The following UGCG variants were observed in gnomAD, a reference collection of about 807,000 sequenced individuals.
UGCG encodes ceramide glucosyltransferase.
Under a neutral mutation model 49.5 loss-of-function variants are expected in UGCG, and 10 were observed. The ratio of observed to expected loss-of-function variants is 0.20; its 90% CI spans 0.12 to 0.34. UGCG has a LOEUF of 0.34. UGCG is among the 10% of genes least tolerant of loss of function. The pLI, the probability that UGCG is intolerant of heterozygous loss-of-function variation, is 1.00. For missense variants in UGCG, 312 were observed against 483.7 expected (o/e 0.65, Z 3.33); for synonymous variants, 182 against 158.2 (o/e 1.15, Z -1.13).
chr9:111,915,856 A>AT, intron 2 of UGCG: 1 of 971,080 alleles, frequency 1.0e-6, no homozygotes, highest in South Asian at 4.8e-5. Context: ...CATGAGTATC[A>AT]TTCAGTTGTA....
At chr9:111,907,829 A>G (rs947060503) in intron 1 of UGCG, among the ~76,000 whole-genome samples, 1 of 152,004 alleles carries the variant, frequency 6.6e-6, no homozygotes, top group Non-Finnish European at 1.5e-5. Context: ...GGGTTTCACC[A>G]TGTTGGCCAG....
chr9:111,902,003 C>T (rs1279217100), intron 1 of UGCG, among the ~76,000 whole-genome samples: 1 of 152,238 alleles, frequency 6.6e-6, no homozygotes, highest in Non-Finnish European at 1.5e-5. Context: ...GAGACAAGCA[C>T]AGCTCTGTAG....
intron 5 of UGCG, among the ~76,000 whole-genome samples, chr9:111,927,662 A>G (rs900312817): frequency 6.6e-5 from 10 of 152,150 alleles, no homozygotes; most frequent in Admixed American, 3.3e-4. Flanking sequence ...CGTGTTAGCC[A>G]GGATGGTCTC....
rs1313251913 is a variant in UGCG at position 111,935,147 on chromosome 9, C to T, written c.*2150C>T. 6.6e-6 allele frequency: 1 copy of T among 152,106 alleles called. No homozygotes were observed. The highest frequency in any genetic ancestry group is 2.4e-5 in the African/African-American group (1 of 41,420). 9.4% of individuals were successfully genotyped at this position (152,106 alleles called of 1,614,324 possible). On this transcript the variant is annotated 3_prime_UTR_variant, in exon 9 of 9. Coordinates refer to ENST00000374279, the MANE Select transcript of UGCG (RefSeq NM_003358.3). The stretch of plus-strand genomic sequence containing the variant: ...AGTGGAGTATTTCCTTAATGTAAAA[C>T]TTCACTTAACAGAGAGATTCTTTGT...
At chr9:111,900,234 G>A (rs1181444188) in intron 1 of UGCG, among the ~76,000 whole-genome samples, 1 of 151,874 alleles carries the variant, frequency 6.6e-6, no homozygotes, top group Non-Finnish European at 1.5e-5. Context: ...TAGCCCTTGG[G>A]AGCCACGTTG....
At chr9:111,903,379 A>T (rs1179656591) in intron 1 of UGCG, among the ~76,000 whole-genome samples, 5 of 152,154 alleles carry the variant, frequency 3.3e-5, no homozygotes, top group Admixed American at 6.5e-5. Context: ...AGCCTGACCA[A>T]CGTGGCAAAA....
At chr9:111,915,976 G>A (rs895513727) in intron 2 of UGCG, 2 of 184,546 alleles carry the variant, frequency 1.1e-5, no homozygotes, top group African/African-American at 2.4e-5. Context: ...GTTTGTGTGT[G>A]TTTATATGCT....
Position 111,933,567 on chromosome 9 carries a change from G to A in UGCG, c.*570G>A, listed in dbSNP as rs1440881572. ...AATATAAATTGTAATAAGATAGCTA[G>A]GCCTTGCAGAAACAAACAGAAAAAC... is the stretch of plus-strand genomic sequence containing the variant. On this transcript the variant is annotated 3_prime_UTR_variant, in exon 9 of 9. Coordinates refer to ENST00000374279, the MANE Select transcript of UGCG (RefSeq NM_003358.3). 1 of 152,100 alleles carries A rather than the reference G, an allele frequency of 6.6e-6. No individual in the cohort carries two copies. Among genetic ancestry groups the A allele is most frequent in the Non-Finnish European group, 1.5e-5 (1 of 68,040 alleles). The allele number at this position is 152,100 out of a possible 1,614,324, so 9.4% of individuals were successfully genotyped here. A position where few individuals can be genotyped will look rare whatever the true frequency, so the allele number is the denominator to read the frequency against.
intron 8 of UGCG, among the ~76,000 whole-genome samples, 171 bp from the exon 9 acceptor site, chr9:111,932,656 T>C (rs1838447189): frequency 6.6e-6 from 1 of 152,230 alleles, no homozygotes; most frequent in Non-Finnish European, 1.5e-5. Context: ...AATGCTTCAT[T>C]AACAATTAGC....
intron 1 of UGCG, among the ~76,000 whole-genome samples, chr9:111,908,186 C>A (rs1451511168): frequency 6.6e-6 from 1 of 152,108 alleles, no homozygotes; most frequent in Non-Finnish European, 1.5e-5. Context: ...AAACTGTAAA[C>A]AACCCAAACA....
chr9:111,909,852 G>C (rs1443221369), intron 1 of UGCG, among the ~76,000 whole-genome samples: 1 of 152,118 alleles, frequency 6.6e-6, no homozygotes, highest in Non-Finnish European at 1.5e-5. Flanking sequence ...TCGTACCCTA[G>C]GGGGTACACA....
chr9:111,903,316 G>A (rs1837812824), intron 1 of UGCG, among the ~76,000 whole-genome samples: 1 of 152,176 alleles, frequency 6.6e-6, no homozygotes. Flanking sequence ...TGTAATCCCA[G>A]CACTTTGGGA....
rs1838484664 is a variant in UGCG at position 111,934,653 on chromosome 9, A to G, written c.*1656A>G. 6.6e-6 allele frequency: 1 copy of G among 152,174 alleles called. No homozygotes were observed. The highest frequency in any genetic ancestry group is 1.5e-5 in the Non-Finnish European group (1 of 68,022). The allele number at this position is 152,174 out of a possible 1,614,324, so 9.4% of individuals were successfully genotyped here. A position where few individuals can be genotyped will look rare whatever the true frequency, so the allele number is the denominator to read the frequency against. ...ATATCCATGGTTTAAATGGCAACAT[A>G]TCTATAAGTATGTATACACATTATA... On this transcript the variant is annotated 3_prime_UTR_variant, in exon 9 of 9. Transcript: ENST00000374279.
chr9:111,920,941 C>T (rs188126363), intron 2 of UGCG, among the ~76,000 whole-genome samples: 14 of 150,580 alleles, frequency 9.3e-5, no homozygotes, highest in South Asian at 6.4e-4. Context: ...CTCGCTCTGT[C>T]GCCCAGGCTG....
Position 111,932,838 on chromosome 9 carries a change from G to A in UGCG, c.1026G>A (p.Leu342=). The change falls in exon 9 of 9, where the codon CTG becomes CTA. Residue 342 remains leucine, a synonymous_variant. Transcript: ENST00000374279. The stretch of plus-strand genomic sequence containing the variant: ...TTTTCCATTCCTAGGGTGGCACACT[G>A]TGTTTTTCAAAACTTGATTATGCAG... ...IQLRGVQGGT[L]CFSKLDYAVA... The A allele has an allele frequency of 1.3e-6, 2 of 1,596,568 alleles. No homozygotes were observed. The highest frequency in any genetic ancestry group is 1.3e-5 in the African/African-American group (1 of 74,306).
intron 1 of UGCG, among the ~76,000 whole-genome samples, chr9:111,912,888 GGTGTGTGTGT>G (rs112247185): frequency 6.6e-6 from 1 of 150,844 alleles, no homozygotes. Flanking sequence ...TTGTAAACCT[GGTGTGTGTGT>G]GTGTGTGCGT....
In UGCG at chr9:111,926,457, C is replaced by T. The variant is rs762498565; in HGVS notation, c.519C>T (p.Tyr173=). The change falls in exon 5 of 9, where the codon TAC becomes TAT. Residue 173 remains tyrosine, a synonymous_variant. Coordinates refer to ENST00000374279, the MANE Select transcript of UGCG (RefSeq NM_003358.3). ...EKVGLVHGLP[Y]VADRQGFAAT... ...TAGGCTTGGTTCACGGGCTGCCTTA[C>T]GTAGCAGACAGACAGGGCTTTGCTG... is the stretch of plus-strand genomic sequence containing the variant. 36 of 1,610,720 alleles carry T rather than the reference C, an allele frequency of 2.2e-5. No individual in the cohort carries two copies. The highest frequency in any genetic ancestry group is 1.1e-4 in the East Asian group (5 of 44,804).
In UGCG at chr9:111,932,106, A is replaced by G. The variant is rs751127941; in HGVS notation, c.825-64A>G. ...TAAAAAAATTGATTATTTGAGGGAA[A>G]AAAAAAAGGATTTGTCTTGTAGCCA... is the stretch of plus-strand genomic sequence containing the variant. On this transcript the variant is annotated intron_variant, in intron 7 of 8. Coordinates refer to ENST00000374279, the MANE Select transcript of UGCG (RefSeq NM_003358.3). 3 of 1,514,288 alleles carry G rather than the reference A, an allele frequency of 2.0e-6. No homozygotes were observed. In the African/African-American group the frequency reaches 4.2e-5, roughly 21 times the overall value. 93.8% of individuals were successfully genotyped at this position (1,514,288 alleles called of 1,614,324 possible).
intron 1 of UGCG, among the ~76,000 whole-genome samples, chr9:111,903,347 C>G (rs1564197223): frequency 6.6e-6 from 1 of 152,014 alleles, no homozygotes; most frequent in African/African-American, 2.4e-5. Flanking sequence ...GGCAGATCAC[C>G]TGAGGTCAGG....
Sources: allele counts gnomAD v4.1 joint callset (sites outside exome capture counted in the v4.1 genomes callset), GRCh38; gene constraint gnomAD v4.1.1; transcripts MANE v1.5; gene names NCBI Gene and HGNC (gene_info 2026-07-23, HGNC 2026-07-21).